MTSS1: variants seen among roughly 807,000 people sequenced by gnomAD.
The protein encoded by MTSS1 is protein MTSS 1.
MTSS1 carries 18 observed loss-of-function variants against 79.0 expected under a neutral mutation model. The observed-to-expected ratio is 0.23, with a 90% confidence interval of 0.16 to 0.34. MTSS1 has a LOEUF of 0.34. MTSS1 is among the 10% of genes least tolerant of loss of function. The pLI is 1.00. For synonymous variants in MTSS1, 341 were observed against 368.6 expected (o/e 0.93, Z 0.86); for missense variants, 815 against 986.2 (o/e 0.83, Z 2.33).
chr8:124,629,516 A>AG (rs1815449915), intron 3 of MTSS1, among the ~76,000 whole-genome samples: 1 of 151,140 alleles, frequency 6.6e-6, no homozygotes, highest in South Asian at 2.1e-4. Flanking sequence ...AAAAAAAAAA[A>AG]AAAAAAAAAA....
At chr8:124,565,627 TC>T (rs1826236228) in intron 9 of MTSS1, 34 bp downstream of exon 9, 2 of 1,566,380 alleles carry the variant, frequency 1.3e-6, no homozygotes, top group Non-Finnish European at 1.8e-6. Context: ...AAATGACCCG[TC>T]CTGAAAGCAA....
chr8:124,649,471 C>A (rs114407152), intron 3 of MTSS1, among the ~76,000 whole-genome samples: 13 of 152,036 alleles, frequency 8.6e-5, no homozygotes, highest in African/African-American at 2.7e-4. Flanking sequence ...ATCACATGAC[C>A]CTGGCGAGCC....
At chr8:124,667,272 G>C (rs367883784) in intron 3 of MTSS1, among the ~76,000 whole-genome samples, 2 of 152,140 alleles carry the variant, frequency 1.3e-5, no homozygotes, top group Admixed American at 6.5e-5. Context: ...GTGAAAGCGC[G>C]ACATGTTTCT....
At chr8:124,719,156 C>G (rs990122768) in intron 1 of MTSS1, among the ~76,000 whole-genome samples, 27 of 152,334 alleles carry the variant, frequency 1.8e-4, no homozygotes, top group African/African-American at 6.5e-4. Context: ...AACTAACTCC[C>G]AGCTATGCTT....
At chr8:124,667,632 G>A (rs1174193296) in intron 3 of MTSS1, among the ~76,000 whole-genome samples, 1 of 151,464 alleles carries the variant, frequency 6.6e-6, no homozygotes, top group East Asian at 2.0e-4. Flanking sequence ...CAACAGAAGC[G>A]AAACTCCGTC....
intron 3 of MTSS1, among the ~76,000 whole-genome samples, chr8:124,687,205 A>G (rs191864949): frequency 5.9e-5 from 9 of 152,234 alleles, no homozygotes; most frequent in Admixed American, 1.3e-4. Flanking sequence ...CTTCAATCTC[A>G]TTAAGCAGGA....
At chr8:124,580,567 CG>C (rs761833897) in intron 6 of MTSS1, 12 of 1,535,444 alleles carry the variant, frequency 7.8e-6, no homozygotes, top group South Asian at 1.2e-5. Flanking sequence ...TGTCCACTGG[CG>C]GGGGGGCACA....
At chr8:124,555,436 T>C (rs34714561) in intron 13 of MTSS1, among the ~76,000 whole-genome samples, 14,976 of 152,018 alleles carry the variant, frequency 0.099, 855 homozygotes, top group Non-Finnish European at 0.13. Flanking sequence ...TTAGTAGAGA[T>C]GGGGTTTCAC....
chr8:124,627,848 T>C (rs1296894293), intron 3 of MTSS1, among the ~76,000 whole-genome samples: 1 of 152,148 alleles, frequency 6.6e-6, no homozygotes, highest in African/African-American at 2.4e-5. Context: ...GCATTGCTAT[T>C]TCCCATAAAA....
chr8:124,619,466 C>G (rs1252768659), intron 3 of MTSS1: 1 of 152,388 alleles, frequency 6.6e-6, no homozygotes, highest in Admixed American at 6.5e-5. Flanking sequence ...CTTTTTGTCT[C>G]CTCTGCCAAG....
chr8:124,562,697 C>G, intron 10 of MTSS1, 85 bp downstream of exon 10: 1 of 1,353,978 alleles, frequency 7.4e-7, no homozygotes, highest in Non-Finnish European at 1.0e-6. Flanking sequence ...ATTGTCTAAG[C>G]CAAGGTGCTT....
chr8:124,582,003 G>A lies in MTSS1; in HGVS notation c.460+3084C>T, dbSNP rs1053204440. ...TTCAGAGCCTGGGGTTACTGGGTCC[G>A]CTCCACACCATCTCCCCAGCATCCT... On this transcript the variant is annotated intron_variant, in intron 6 of 13. Transcript: ENST00000518547. The surrounding 1 kb of genome is among the most constrained non-coding windows in gnomAD (Gnocchi z 4.8). Among the ~76,000 whole-genome samples the A allele has an allele frequency of 6.6e-6, 1 of 152,048 alleles. No homozygotes were observed. Among genetic ancestry groups the A allele is most frequent in the Non-Finnish European group, 1.5e-5 (1 of 68,014 alleles).
chr8:124,661,192 A>T (rs1454142212), intron 3 of MTSS1, among the ~76,000 whole-genome samples: 1 of 152,214 alleles, frequency 6.6e-6, no homozygotes, highest in African/African-American at 2.4e-5. Context: ...GGTTTTAAGA[A>T]ATAATATTTA....
intron 3 of MTSS1, among the ~76,000 whole-genome samples, chr8:124,599,581 CCA>C: frequency 6.6e-6 from 1 of 151,898 alleles, no homozygotes; most frequent in East Asian, 1.9e-4. Context: ...CACATAACTA[CCA>C]CACACACCAA....
chr8:124,643,790 AT>A (rs2134040081), intron 3 of MTSS1, among the ~76,000 whole-genome samples: 1 of 151,966 alleles, frequency 6.6e-6, no homozygotes, highest in Admixed American at 6.6e-5. Context: ...GTATGTACCC[AT>A]TGTGTCTATA....
chr8:124,606,446 G>A (rs546213362), intron 3 of MTSS1, among the ~76,000 whole-genome samples: 6 of 152,164 alleles, frequency 3.9e-5, no homozygotes, highest in South Asian at 2.1e-4. Context: ...CCTGCACCCC[G>A]CCAAAAGTAG....
intron 3 of MTSS1, among the ~76,000 whole-genome samples, chr8:124,625,693 G>T (rs979674842): frequency 6.6e-6 from 1 of 152,192 alleles, no homozygotes; most frequent in Non-Finnish European, 1.5e-5. Flanking sequence ...TTTGAGAATT[G>T]TGAAAGAGGC....
intron 1 of MTSS1, among the ~76,000 whole-genome samples, chr8:124,709,856 G>C (rs1830912563): frequency 6.6e-6 from 1 of 152,164 alleles, no homozygotes; most frequent in Non-Finnish European, 1.5e-5. Flanking sequence ...CTATTCAGCT[G>C]TCACTACCCA....
At chr8:124,673,314 T>A (rs1587730625) in intron 3 of MTSS1, 1 of 144,428 alleles carries the variant, frequency 6.9e-6, no homozygotes, top group East Asian at 2.0e-4. Flanking sequence ...ACCCGGGAGG[T>A]GGAGGTTGCA....
Sources: gnomAD v4.1 joint callset for allele counts (sites outside exome capture counted in the v4.1 genomes callset) on GRCh38, gnomAD v4.1.1 for gene constraint, Gnocchi (gnomAD v3.1) non-coding constraint, MANE v1.5 for transcripts, NCBI Gene and HGNC (gene_info 2026-07-23, HGNC 2026-07-21) for gene names.